SORCS1: variants seen among roughly 807,000 people sequenced by gnomAD.
SORCS1 encodes VPS10 domain-containing receptor SorCS1.
In SORCS1, 60 loss-of-function variants were observed where a neutral mutation model predicts 146.1. The observed-to-expected ratio is 0.41, with a 90% CI of 0.33 to 0.51. SORCS1 has a LOEUF of 0.51. Ranked by LOEUF, SORCS1 falls within the 20% of genes least tolerant of loss-of-function variation. SORCS1 has a pLI of 0.21. For synonymous variants in SORCS1, 637 were observed against 584.0 expected (o/e 1.09, Z -1.31); for missense variants, 1,352 against 1,487.6 (o/e 0.91, Z 1.50).
At chr10:107,019,748 T>A (rs1958051703) in intron 1 of SORCS1, among the ~76,000 whole-genome samples, 1 of 152,362 alleles carries the variant, frequency 6.6e-6, no homozygotes, top group African/African-American at 2.4e-5. Flanking sequence ...ACAGCAGGTA[T>A]CTGTCAGACG....
chr10:106,628,343 G>A (rs966684016), intron 19 of SORCS1, among the ~76,000 whole-genome samples: 1 of 152,224 alleles, frequency 6.6e-6, no homozygotes, highest in Non-Finnish European at 1.5e-5. Flanking sequence ...AGGTGCAGAG[G>A]AGAGGCATGG....
intron 1 of SORCS1, among the ~76,000 whole-genome samples, chr10:107,037,235 G>A (rs1958942927): frequency 6.6e-6 from 1 of 152,194 alleles, no homozygotes; most frequent in Non-Finnish European, 1.5e-5. Flanking sequence ...GACAGACTGA[G>A]ACTGTCTCAA....
intron 1 of SORCS1, among the ~76,000 whole-genome samples, chr10:106,993,972 G>A (rs1956881311): frequency 6.8e-6 from 1 of 146,514 alleles, no homozygotes. Flanking sequence ...TACTCGGGAG[G>A]ATCGCTTGAG....
At chr10:106,780,063 G>T (rs1255526280) in intron 3 of SORCS1, among the ~76,000 whole-genome samples, 1 of 151,932 alleles carries the variant, frequency 6.6e-6, no homozygotes, top group East Asian at 1.9e-4. Flanking sequence ...AAGCTAATAA[G>T]TAAAAAATTT....
rs548701987 is a variant in SORCS1, at chr10:107,114,997, C to T, written c.558+48972G>A. Among the ~76,000 whole-genome samples the T allele has an allele frequency of 8.2e-4, 124 of 151,946 alleles. 1 individual carries two copies. Among genetic ancestry groups the T allele is most frequent in the Non-Finnish European group, 1.6e-3 (110 of 67,876 alleles). On this transcript the variant is annotated intron_variant, in intron 1 of 25. Transcript: ENST00000263054. Reference sequence around the variant, plus strand: ...AAATTGAGATACAGAAATTGAGATCCCATTTACAACAGCATCAAAAATAAG... The same window carrying T: ...AAATTGAGATACAGAAATTGAGATCTCATTTACAACAGCATCAAAAATAAG...
chr10:107,019,339 G>A (rs565050246), intron 1 of SORCS1, among the ~76,000 whole-genome samples: 4 of 152,290 alleles, frequency 2.6e-5, no homozygotes, highest in South Asian at 2.1e-4. Flanking sequence ...TAAAGGTTGA[G>A]TAGTGTCTGT....
chr10:107,050,217 T>C (rs1158775641), intron 1 of SORCS1, among the ~76,000 whole-genome samples: 1 of 152,238 alleles, frequency 6.6e-6, no homozygotes, highest in Non-Finnish European at 1.5e-5. Flanking sequence ...TAGCTGATGC[T>C]TACACATAAT....
At chr10:107,135,592 A>G (rs1266991189) in intron 1 of SORCS1, among the ~76,000 whole-genome samples, 1 of 152,224 alleles carries the variant, frequency 6.6e-6, no homozygotes, top group African/African-American at 2.4e-5. Context: ...TCCTTATAGA[A>G]GCTCTGATAT....
chr10:106,773,801 T>C (rs1292125867), intron 4 of SORCS1, among the ~76,000 whole-genome samples: 4 of 151,972 alleles, frequency 2.6e-5, no homozygotes, highest in African/African-American at 9.7e-5. Context: ...TACAAAAAAT[T>C]AGCCAGGCGT....
At chr10:107,005,074 CAGCTACAG>C (rs1350683220) in intron 1 of SORCS1, among the ~76,000 whole-genome samples, 4 of 152,238 alleles carry the variant, frequency 2.6e-5, no homozygotes, top group Non-Finnish European at 5.9e-5. Flanking sequence ...AAGAAAATTC[CAGCTACAG>C]CAATCAACTC....
At position 106,965,237 on chromosome 10, in the gene SORCS1, GGGTTTTTGT is replaced by G. The variant is rs1340252765; in HGVS notation, c.559-8666_559-8658del. Among the ~76,000 whole-genome samples the G allele has an allele frequency of 7.2e-5, 11 of 152,082 alleles. No homozygotes were observed. The South Asian group carries it at 1.5e-3, about 20-fold the overall frequency. On this transcript the variant is annotated intron_variant, in intron 1 of 25. Coordinates refer to ENST00000263054, the MANE Select transcript of SORCS1 (RefSeq NM_052918.5). ...AAAGAAAGGCCTCTGGTGTATACATGGGTTTTTGTGGTTTTTGTTGTATTTTTTTCTACC... is the reference window on the plus strand; with the variant it reads ...AAAGAAAGGCCTCTGGTGTATACATGGGTTTTTGTTGTATTTTTTTCTACC...
chr10:107,108,517 C>T (rs1220115780), intron 1 of SORCS1, among the ~76,000 whole-genome samples: 2 of 152,134 alleles, frequency 1.3e-5, no homozygotes, highest in African/African-American at 4.8e-5. Context: ...ACCATGAAGA[C>T]AGCACCAAGC....
Position 107,038,513 on chromosome 10 carries a change from G to A in SORCS1, c.559-81933C>T, listed in dbSNP as rs559901364. 2.7e-4 allele frequency among the ~76,000 whole-genome samples: 41 copies of A among 152,180 alleles called. No individual in the cohort carries two copies. The East Asian group carries it at 3.5e-3, about 13-fold the overall frequency. On this transcript the variant is annotated intron_variant, in intron 1 of 25. Coordinates refer to ENST00000263054, the MANE Select transcript of SORCS1 (RefSeq NM_052918.5). ...TATGTAACAAACCTGCACATTGTGCGCACGTACCCTAAAACTTAAAGTATA... is the reference window on the plus strand; with the variant it reads ...TATGTAACAAACCTGCACATTGTGCACACGTACCCTAAAACTTAAAGTATA...
rs531027493 is a variant in SORCS1 at position 107,056,601 on chromosome 10, G to A, written c.559-100021C>T. Among the ~76,000 whole-genome samples the A allele has an allele frequency of 5.9e-5, 9 of 152,274 alleles. No homozygotes were observed. In the East Asian group the frequency reaches 1.5e-3, roughly 26 times the overall value. On this transcript the variant is annotated intron_variant, in intron 1 of 25. Transcript: ENST00000263054. Reference sequence around the variant, plus strand: ...ATCATATAATTAGCACATAACCATCGATAGCTAATTCAAACACTTATGGAA... The same window carrying A: ...ATCATATAATTAGCACATAACCATCAATAGCTAATTCAAACACTTATGGAA...
chr10:106,975,820 C>A (rs1464414371), intron 1 of SORCS1, among the ~76,000 whole-genome samples: 1 of 152,116 alleles, frequency 6.6e-6, no homozygotes, highest in Admixed American at 6.5e-5. Context: ...GTTCAGGCCC[C>A]CAGAGCTTTC....
chr10:106,885,752 G>A (rs908459854), intron 2 of SORCS1, among the ~76,000 whole-genome samples: 1 of 152,158 alleles, frequency 6.6e-6, no homozygotes, highest in Non-Finnish European at 1.5e-5. Flanking sequence ...TCTTATGGGA[G>A]GGACCAGGTG....
intron 1 of SORCS1, among the ~76,000 whole-genome samples, chr10:107,027,883 G>C (rs533212615): frequency 6.6e-6 from 1 of 152,264 alleles, no homozygotes; most frequent in South Asian, 2.1e-4. Context: ...TCAGCCCCCA[G>C]GAGAATGTGA....
chr10:106,970,295 C>A (rs1955709532), intron 1 of SORCS1: 1 of 150,092 alleles, frequency 6.7e-6, no homozygotes, highest in South Asian at 2.1e-4. Context: ...TCTTCCTTGA[C>A]TCTATTATCC....
rs546910436 is a variant in SORCS1 at position 106,913,664 on chromosome 10, T to C, written c.626+42849A>G. ...ATTGCTTCAACTCCTGCTGAGCTTT[T>C]CAGTAGAACTTTAACGCATGCAAAA... On this transcript the variant is annotated intron_variant, in intron 2 of 25. Transcript: ENST00000263054. 2.0e-5 allele frequency among the ~76,000 whole-genome samples: 3 copies of C among 152,368 alleles called. No individual in the cohort carries two copies. The East Asian group carries it at 5.8e-4, about 29-fold the overall frequency.
Sources: gnomAD v4.1 joint callset for allele counts (sites outside exome capture counted in the v4.1 genomes callset) on GRCh38, gnomAD v4.1.1 for gene constraint, MANE v1.5 for transcripts, NCBI Gene and HGNC (gene_info 2026-07-23, HGNC 2026-07-21) for gene names.